The following DIAPH3 variants were observed in gnomAD, a reference collection of about 807,000 sequenced individuals.
DIAPH3 encodes protein diaphanous homolog 3.
In DIAPH3, 117 loss-of-function variants were observed where a neutral mutation model predicts 144.3. The ratio of observed to expected loss-of-function variants is 0.81; its 90% CI spans 0.70 to 0.95. The LOEUF (loss-of-function observed/expected upper bound fraction) is 0.95, where lower values mean the gene tolerates loss of function less well. Among genes scored for constraint, DIAPH3 ranks in the 40% least tolerant of loss-of-function variants. DIAPH3 has a pLI of 0.00. For synonymous variants in DIAPH3, 519 were observed against 488.9 expected, an observed-to-expected ratio of 1.06 and a Z score of -0.81; for missense variants, 1,421 against 1,412.7, an observed-to-expected ratio of 1.01 and a Z score of -0.09.
intron 27 of DIAPH3, among the ~76,000 whole-genome samples, chr13:59,710,747 A>G (rs1407749619): frequency 6.6e-6 from 1 of 152,192 alleles, no homozygotes; most frequent in Non-Finnish European, 1.5e-5. Context: ...AATGTTGGCT[A>G]TTACTGCCTT....
intron 3 of DIAPH3, among the ~76,000 whole-genome samples, chr13:60,098,874 A>T (rs2058183361): frequency 6.6e-6 from 1 of 152,196 alleles, no homozygotes. Flanking sequence ...AATACTGAAC[A>T]GGAAATACAA....
At chr13:59,738,518 T>C (rs1671482818) in intron 27 of DIAPH3, among the ~76,000 whole-genome samples, 1 of 152,080 alleles carries the variant, frequency 6.6e-6, no homozygotes, top group Admixed American at 6.6e-5. Context: ...TCTCCCTCCT[T>C]GTACTGGAGA....
intron 27 of DIAPH3, among the ~76,000 whole-genome samples, chr13:59,682,360 C>T (rs1375993509): frequency 2.0e-5 from 3 of 152,100 alleles, no homozygotes; most frequent in Non-Finnish European, 4.4e-5. Flanking sequence ...TCTTGTCTGT[C>T]GCCCAGGCTG....
intron 22 of DIAPH3, among the ~76,000 whole-genome samples, chr13:59,859,187 A>T (rs2043427938): frequency 6.6e-6 from 1 of 152,142 alleles, no homozygotes; most frequent in East Asian, 1.9e-4. Flanking sequence ...TATAAAAAGT[A>T]CTTCAGTGAT....
Position 59,988,389 on chromosome 13 carries a change from A to G in DIAPH3, c.1361+2769T>C, listed in dbSNP as rs144570951. 4.4e-4 allele frequency among the ~76,000 whole-genome samples: 67 copies of G among 151,998 alleles called. No homozygotes were observed. The East Asian group carries it at 0.011, about 26-fold the overall frequency. On this transcript the variant is annotated intron_variant, in intron 12 of 27. Transcript: ENST00000400324. ...CTCAACATTATTCTAATGTTTTTAA[A>G]ATGAAAATGTTTTAAATTAACAACA...
At chr13:60,028,683 G>C (rs1341923138) in intron 5 of DIAPH3, among the ~76,000 whole-genome samples, 1 of 152,098 alleles carries the variant, frequency 6.6e-6, no homozygotes, top group Non-Finnish European at 1.5e-5. Flanking sequence ...ACATATGTAA[G>C]CTCCAGACTC....
At chr13:59,894,032 A>G (rs903672828) in intron 20 of DIAPH3, among the ~76,000 whole-genome samples, 6 of 152,116 alleles carry the variant, frequency 3.9e-5, no homozygotes, top group Non-Finnish European at 5.9e-5. Flanking sequence ...TAGCCTTTCA[A>G]TAATTCATCT....
intron 9 of DIAPH3, among the ~76,000 whole-genome samples, chr13:60,003,163 G>A (rs2052622609): frequency 6.6e-6 from 1 of 152,102 alleles, no homozygotes; most frequent in African/African-American, 2.4e-5. Flanking sequence ...GCAGAGAGTT[G>A]GGAGTGGCAC....
chr13:59,964,141 A>T (rs2140516069), intron 17 of DIAPH3, among the ~76,000 whole-genome samples: 1 of 152,270 alleles, frequency 6.6e-6, no homozygotes, highest in South Asian at 2.1e-4. Flanking sequence ...ATGAAATGTA[A>T]CAACTTTATA....
intron 25 of DIAPH3, among the ~76,000 whole-genome samples, chr13:59,798,845 T>C (rs2039744501): frequency 6.6e-6 from 1 of 152,124 alleles, no homozygotes; most frequent in Admixed American, 6.5e-5. Flanking sequence ...TGGGTAGACT[T>C]TCCTAGGAAG....
intron 4 of DIAPH3, among the ~76,000 whole-genome samples, chr13:60,084,480 A>T (rs2057684591): frequency 6.6e-6 from 1 of 151,884 alleles, no homozygotes; most frequent in Non-Finnish European, 1.5e-5. Flanking sequence ...AAATAAAAAT[A>T]AAAAAAAGAA....
chr13:59,714,037 G>A (rs2138850650), intron 27 of DIAPH3, among the ~76,000 whole-genome samples: 1 of 152,210 alleles, frequency 6.6e-6, no homozygotes. Flanking sequence ...GTAACACAGT[G>A]AGGTCCCATA....
intron 21 of DIAPH3, among the ~76,000 whole-genome samples, chr13:59,874,984 T>A (rs1344918546): frequency 1.3e-5 from 2 of 152,188 alleles, no homozygotes; most frequent in Admixed American, 6.5e-5. Context: ...GTCAAAATTA[T>A]CTCATATATT....
At chr13:60,078,619 T>TACC (rs2057451457) in intron 4 of DIAPH3, among the ~76,000 whole-genome samples, 1 of 152,004 alleles carries the variant, frequency 6.6e-6, no homozygotes, top group South Asian at 2.1e-4. Flanking sequence ...GAATCTAACA[T>TACC]ACCTAAAATA....
intron 2 of DIAPH3, among the ~76,000 whole-genome samples, chr13:60,128,431 T>A (rs1407082280): frequency 1.3e-5 from 2 of 152,188 alleles, no homozygotes; most frequent in Admixed American, 6.5e-5. Context: ...TACCCAGCAA[T>A]GAGATTGCTG....
chr13:60,110,209 G>A (rs2058529532), intron 3 of DIAPH3, among the ~76,000 whole-genome samples: 1 of 152,174 alleles, frequency 6.6e-6, no homozygotes, highest in Admixed American at 6.5e-5. Flanking sequence ...CTTTGATAAT[G>A]ATAAATAAGA....
chr13:59,883,542 C>T (rs1593822017), intron 20 of DIAPH3, among the ~76,000 whole-genome samples: 1 of 152,150 alleles, frequency 6.6e-6, no homozygotes, highest in Admixed American at 6.5e-5. Context: ...AGTTACTGGC[C>T]TCGGTCTTAA....
intron 22 of DIAPH3, among the ~76,000 whole-genome samples, chr13:59,860,670 G>A (rs748481349): frequency 6.6e-5 from 10 of 151,898 alleles, no homozygotes; most frequent in Non-Finnish European, 1.0e-4. Flanking sequence ...CCTGGGAGGC[G>A]GAGCTTGCAG....
At chr13:59,824,180 A>G (rs1272691635) in intron 24 of DIAPH3, among the ~76,000 whole-genome samples, 1 of 152,192 alleles carries the variant, frequency 6.6e-6, no homozygotes, top group Non-Finnish European at 1.5e-5. Context: ...AGGATAAAAT[A>G]CAGTATCAAT....
Sources: allele counts gnomAD v4.1 joint callset (sites outside exome capture counted in the v4.1 genomes callset), GRCh38; gene constraint gnomAD v4.1.1; transcripts MANE v1.5; gene names NCBI Gene and HGNC (gene_info 2026-07-23, HGNC 2026-07-21).